The following RTN3 variants were observed in gnomAD, a reference collection of about 807,000 sequenced individuals.
RTN3 encodes the protein reticulon-3.
A neutral mutation model predicts 77.8 loss-of-function variants in RTN3; 49 were observed. The ratio of observed to expected loss-of-function variants is 0.63; its 90% CI spans 0.50 to 0.80. RTN3 has a LOEUF of 0.80. Among genes scored for constraint, RTN3 ranks in the 30% least tolerant of loss-of-function variants. The pLI, the probability that RTN3 is intolerant of heterozygous loss-of-function variation, is 0.00. For missense variants in RTN3, 1,236 were observed against 1,211.9 expected, an observed-to-expected ratio of 1.02 and a Z score of -0.29; for synonymous variants, 464 against 446.9, an observed-to-expected ratio of 1.04 and a Z score of -0.48.
At chr11:63,697,171 A>G (rs1246623759) in intron 1 of RTN3, among the ~76,000 whole-genome samples, 4 of 152,134 alleles carry the variant, frequency 2.6e-5, no homozygotes, top group African/African-American at 7.2e-5. Context: ...GGCGTGAGCC[A>G]TCGCGCCCGG....
Position 63,754,662 on chromosome 11 carries a change from T to A in RTN3, c.2994+954T>A, listed in dbSNP as rs11823549. On this transcript the variant is annotated intron_variant, in intron 7 of 8. Transcript: ENST00000377819. ...TTGCAGTGAGCCGAGATTGCACCAC[T>A]GCACTCCAACCTGGATGACAGAGCA... Among the ~76,000 whole-genome samples, 699 of 129,720 alleles carry A rather than the reference T, an allele frequency of 5.4e-3. 4 individuals are homozygous for A. Among genetic ancestry groups the A allele is most frequent in the African/African-American group, 0.02 (680 of 33,340 alleles). The allele number at this position is 129,720 out of a possible 152,430, so 85.1% of individuals were successfully genotyped here.
intron 1 of RTN3, among the ~76,000 whole-genome samples, chr11:63,696,620 A>G (rs1328624741): frequency 1.5e-5 from 2 of 135,798 alleles, no homozygotes; most frequent in African/African-American, 5.5e-5. Context: ...ATCTTGGCTC[A>G]CTGCAACCTC....
Position 63,744,805 on chromosome 11 carries a change from A to T in RTN3, c.2531-5186A>T, listed in dbSNP as rs1472407560. On this transcript the variant is annotated intron_variant, in intron 3 of 8. Coordinates refer to ENST00000377819, the MANE Select transcript of RTN3 (RefSeq NM_001265589.2). ...CCATGAGTTTGAGACCAACATGGGCAACATGACAAAACCCTGCCTCTACAA... is the reference window on the plus strand; with the variant it reads ...CCATGAGTTTGAGACCAACATGGGCTACATGACAAAACCCTGCCTCTACAA... Among the ~76,000 whole-genome samples the T allele has an allele frequency of 2.0e-5, 3 of 152,344 alleles. No individual in the cohort carries two copies. In the East Asian group the frequency reaches 5.8e-4, roughly 29 times the overall value.
At chr11:63,716,872 G>A (rs1323681928) in intron 2 of RTN3, among the ~76,000 whole-genome samples, 2 of 150,502 alleles carry the variant, frequency 1.3e-5, no homozygotes, top group African/African-American at 4.9e-5. Flanking sequence ...GGGAGACTGA[G>A]GCAGGAGAAT....
At chr11:63,697,765 C>T (rs1409642443) in intron 1 of RTN3, among the ~76,000 whole-genome samples, 2 of 151,980 alleles carry the variant, frequency 1.3e-5, no homozygotes, top group East Asian at 1.9e-4. Flanking sequence ...CGAGAGCCAC[C>T]GCGCCCGGCC....
At chr11:63,729,460 G>GTTT (rs1223266871) in intron 3 of RTN3, among the ~76,000 whole-genome samples, 1 of 49,252 alleles carries the variant, frequency 2.0e-5, no homozygotes, top group Non-Finnish European at 3.6e-5. Flanking sequence ...TTTTTTTTTT[G>GTTT]TTTGTTTGAG....
intron 3 of RTN3, among the ~76,000 whole-genome samples, chr11:63,741,850 T>C (rs1330502121): frequency 6.6e-6 from 1 of 152,082 alleles, no homozygotes; most frequent in African/African-American, 2.4e-5. Context: ...GTTTCTGGAT[T>C]TTCTATACCA....
chr11:63,685,355 G>A (rs1461816602), intron 1 of RTN3, among the ~76,000 whole-genome samples: 1 of 151,508 alleles, frequency 6.6e-6, no homozygotes. Context: ...AATTAGCCGG[G>A]CACAGTGACG....
chr11:63,737,119 C>T (rs1242701589), intron 3 of RTN3, among the ~76,000 whole-genome samples: 2 of 152,020 alleles, frequency 1.3e-5, no homozygotes, highest in Non-Finnish European at 2.9e-5. Context: ...CGGGTATACG[C>T]CGCCATGCCC....
chr11:63,744,365 C>T (rs1218346067), intron 3 of RTN3, among the ~76,000 whole-genome samples: 7 of 149,548 alleles, frequency 4.7e-5, no homozygotes, highest in Non-Finnish European at 7.4e-5. Context: ...TTCTGAGAAA[C>T]GTCATTAGGT....
intron 4 of RTN3, among the ~76,000 whole-genome samples, chr11:63,752,264 T>C (rs2014146567): frequency 6.6e-6 from 1 of 152,022 alleles, no homozygotes; most frequent in Non-Finnish European, 1.5e-5. Context: ...GTAGTAAAAG[T>C]GACACAGAAC....
intron 3 of RTN3, among the ~76,000 whole-genome samples, chr11:63,721,643 T>C (rs1418407230): frequency 6.6e-6 from 1 of 152,022 alleles, no homozygotes; most frequent in Non-Finnish European, 1.5e-5. Flanking sequence ...TCTTTTCTTA[T>C]AGGTTGCCCC....
intron 1 of RTN3, among the ~76,000 whole-genome samples, chr11:63,699,147 A>C (rs1234476112): frequency 2.0e-5 from 3 of 152,060 alleles, no homozygotes; most frequent in African/African-American, 7.2e-5. Flanking sequence ...CTAAAAATAC[A>C]AAAATTAGCC....
At chr11:63,683,682 A>G (rs929587391) in intron 1 of RTN3, among the ~76,000 whole-genome samples, 1 of 152,210 alleles carries the variant, frequency 6.6e-6, no homozygotes, top group African/African-American at 2.4e-5. Context: ...GGCAATACGA[A>G]TTTAATGACA....
chr11:63,692,360 G>A (rs1275702948), intron 1 of RTN3, among the ~76,000 whole-genome samples: 1 of 151,850 alleles, frequency 6.6e-6, no homozygotes, highest in African/African-American at 2.4e-5. Context: ...CCTCTACCTC[G>A]GGGTTTTATT....
chr11:63,752,014 C>A (rs370469450), intron 4 of RTN3, among the ~76,000 whole-genome samples: 48 of 151,998 alleles, frequency 3.2e-4, no homozygotes, highest in East Asian at 1.5e-3. Flanking sequence ...CTAAAAAAAA[C>A]CCCCAGTACC....
intron 3 of RTN3, among the ~76,000 whole-genome samples, chr11:63,747,902 T>A (rs942460271): frequency 2.6e-5 from 4 of 152,190 alleles, no homozygotes; most frequent in Non-Finnish European, 5.9e-5. Flanking sequence ...TTACCAGGAC[T>A]TAAACTCATG....
At chr11:63,712,471 T>TA (rs1421714452) in intron 2 of RTN3, among the ~76,000 whole-genome samples, 4 of 144,692 alleles carry the variant, frequency 2.8e-5, no homozygotes, top group Non-Finnish European at 6.0e-5. Context: ...TAATTGTGAT[T>TA]AAAGGACTTT....
chr11:63,729,139 AAG>A (rs2012498636), intron 3 of RTN3, among the ~76,000 whole-genome samples: 1 of 151,994 alleles, frequency 6.6e-6, no homozygotes, highest in Non-Finnish European at 1.5e-5. Flanking sequence ...AGAAAACTAA[AAG>A]AATTCTACCA....
Sources: gnomAD v4.1 joint callset for allele counts (sites outside exome capture counted in the v4.1 genomes callset) on GRCh38, gnomAD v4.1.1 for gene constraint, MANE v1.5 for transcripts, NCBI Gene and HGNC (gene_info 2026-07-23, HGNC 2026-07-21) for gene names.